Variants in VDAC1 observed in about 807,000 individuals in gnomAD.
The protein encoded by VDAC1 is voltage dependent anion channel 1, also known as non-selective voltage-gated ion channel VDAC1.
Under a neutral mutation model 34.7 loss-of-function variants are expected in VDAC1, and 10 were observed. The ratio of observed to expected loss-of-function variants is 0.29; its 90% CI spans 0.18 to 0.49. The LOEUF (loss-of-function observed/expected upper bound fraction) is 0.49. VDAC1 is among the 20% of genes least tolerant of loss of function. The pLI is 0.99. For synonymous variants in VDAC1, 130 were observed against 136.0 expected (o/e 0.96, Z 0.30); for missense variants, 230 against 347.9 (o/e 0.66, Z 2.69).
intron 1 of VDAC1, among the ~76,000 whole-genome samples, chr5:133,995,362 AC>A (rs576543918): frequency 6.6e-6 from 1 of 152,138 alleles, no homozygotes; most frequent in Non-Finnish European, 1.5e-5. Flanking sequence ...CTGTAAACAT[AC>A]TGGATGCTGG....
intron 7 of VDAC1, among the ~76,000 whole-genome samples, chr5:133,975,546 C>T (rs368772025): frequency 1.3e-4 from 20 of 151,800 alleles, no homozygotes; most frequent in African/African-American, 4.1e-4. Flanking sequence ...CTGCAACCTC[C>T]GCCTCCCCGG....
the VDAC1 span, among the ~76,000 whole-genome samples, chr5:134,098,385 C>T: frequency 0.089 from 13,463 of 151,648 alleles, 957 homozygotes; most frequent in East Asian, 0.37. Context: ...CCACCATGAC[C>T]GGCTAATTTT....
At chr5:134,030,284 TG>T in the VDAC1 span, among the ~76,000 whole-genome samples, 1 of 151,122 alleles carries the variant, frequency 6.6e-6, no homozygotes, top group Non-Finnish European at 1.5e-5. Context: ...AGGTCCGCGG[TG>T]AGCAAGATCG....
At chr5:134,088,111 C>A in the VDAC1 span, among the ~76,000 whole-genome samples, 1 of 152,094 alleles carries the variant, frequency 6.6e-6, no homozygotes, top group African/African-American at 2.4e-5. Context: ...GCTGAGATCA[C>A]GCCACTGCAC....
chr5:134,009,688 GT>G (rs1561606485), upstream of VDAC1, among the ~76,000 whole-genome samples: 1 of 150,942 alleles, frequency 6.6e-6, no homozygotes, highest in Admixed American at 6.6e-5. Flanking sequence ...GTTTTGTTTT[GT>G]TTTGTTTTTT....
intron 3 of VDAC1, 120 bp from the exon 4 acceptor site, chr5:133,991,274 G>T: frequency 8.0e-7 from 1 of 1,243,054 alleles, no homozygotes; most frequent in Non-Finnish European, 1.1e-6. Flanking sequence ...GGGGGGCCAA[G>T]GCTAACTCTA....
the VDAC1 span, among the ~76,000 whole-genome samples, chr5:134,035,921 G>T: frequency 6.7e-6 from 1 of 150,140 alleles, no homozygotes; most frequent in Non-Finnish European, 1.5e-5. Flanking sequence ...CAGGAGAATC[G>T]CTTGGACCCT....
the VDAC1 span, among the ~76,000 whole-genome samples, chr5:134,060,401 A>G: frequency 1.6e-4 from 25 of 151,982 alleles, 1 homozygote; most frequent in Non-Finnish European, 2.5e-4. Context: ...TAAGGTCAGT[A>G]CACATTAGGA....
At chr5:133,996,558 C>G (rs1753320112) in intron 1 of VDAC1, among the ~76,000 whole-genome samples, 1 of 150,928 alleles carries the variant, frequency 6.6e-6, no homozygotes, top group Admixed American at 6.6e-5. Context: ...CGTGCCCCCA[C>G]CCCACCCTAC....
chr5:133,975,666 C>T (rs1476034764), intron 7 of VDAC1, among the ~76,000 whole-genome samples: 1 of 151,888 alleles, frequency 6.6e-6, no homozygotes, highest in South Asian at 2.1e-4. Flanking sequence ...ACCGTGTTGG[C>T]GAGGCTGGTG....
the VDAC1 span, among the ~76,000 whole-genome samples, chr5:134,055,588 G>GTTTTTGTTTTTTTTTTGTTTT: frequency 5.0e-5 from 3 of 59,624 alleles, 1 homozygote; most frequent in African/African-American, 2.2e-4. Flanking sequence ...CCCCGCTAAT[G>GTTTTTGTTTTTTTTTTGTTTT]TTTTTTTTTT....
the VDAC1 span, among the ~76,000 whole-genome samples, chr5:134,058,804 T>A: frequency 4.1e-3 from 621 of 152,264 alleles, 5 homozygotes; most frequent in African/African-American, 0.014. Context: ...TGTCTGAACC[T>A]GACACAGCAA....
chr5:134,008,793 G>A (rs1461813895), upstream of VDAC1, among the ~76,000 whole-genome samples: 1 of 152,184 alleles, frequency 6.6e-6, no homozygotes, highest in Non-Finnish European at 1.5e-5. Context: ...AAGATATTCT[G>A]CTTGTAACCA....
At chr5:134,046,593 T>C in the VDAC1 span, among the ~76,000 whole-genome samples, 1 of 152,200 alleles carries the variant, frequency 6.6e-6, no homozygotes, top group Non-Finnish European at 1.5e-5. Context: ...GTGGACAGTG[T>C]TCTGCCTACC....
At chr5:134,054,458 C>CTTTTTTTTTTTTTTTTTTTTTTTTTT in the VDAC1 span, among the ~76,000 whole-genome samples, 3 of 123,544 alleles carry the variant, frequency 2.4e-5, no homozygotes, top group South Asian at 2.5e-4. Context: ...TCCTTCCTTC[C>CTTTTTTTTTTTTTTTTTTTTTTTTTT]TTTTTTTTTT....
the VDAC1 span, among the ~76,000 whole-genome samples, chr5:134,062,138 C>A: frequency 6.6e-6 from 1 of 151,560 alleles, no homozygotes; most frequent in Non-Finnish European, 1.5e-5. Context: ...AGCAGCCCAC[C>A]ACCATGCCCG....
chr5:134,032,926 A>C, the VDAC1 span, among the ~76,000 whole-genome samples: 2 of 151,516 alleles, frequency 1.3e-5, no homozygotes, highest in South Asian at 4.4e-4. Context: ...CCAGCTACTC[A>C]GGAGGCTGGG....
chr5:134,084,102 A>T, the VDAC1 span, among the ~76,000 whole-genome samples: 1 of 152,252 alleles, frequency 6.6e-6, no homozygotes, highest in Non-Finnish European at 1.5e-5. Flanking sequence ...TGATTAAATA[A>T]GAAAATGCAT....
the VDAC1 span, among the ~76,000 whole-genome samples, chr5:134,095,582 A>G: frequency 6.6e-6 from 1 of 152,172 alleles, no homozygotes; most frequent in South Asian, 2.1e-4. Flanking sequence ...TTTCTCATAG[A>G]CTATCACAAG....
Sources: allele counts gnomAD v4.1 joint callset (sites outside exome capture counted in the v4.1 genomes callset), GRCh38; gene constraint gnomAD v4.1.1; transcripts MANE v1.5; gene names NCBI Gene and HGNC (gene_info 2026-07-23, HGNC 2026-07-21).